ESR1: variants seen among roughly 807,000 people sequenced by gnomAD.
ESR1 encodes estrogen receptor 1.
Under a neutral mutation model 52.7 loss-of-function variants are expected in ESR1, and 12 were observed. The ratio of observed to expected loss-of-function variants is 0.23; its 90% CI spans 0.15 to 0.37. The LOEUF (loss-of-function observed/expected upper bound fraction) is 0.37. Ranked by LOEUF, ESR1 falls within the 10% of genes least tolerant of loss-of-function variation. The pLI is 1.00. For synonymous variants in ESR1, 305 were observed against 316.8 expected, an observed-to-expected ratio of 0.96 and a Z score of 0.39; for missense variants, 584 against 779.7, an observed-to-expected ratio of 0.75 and a Z score of 2.99.
chr6:151,959,220 C>T (rs2037370131), intron 4 of ESR1, among the ~76,000 whole-genome samples: 1 of 152,144 alleles, frequency 6.6e-6, no homozygotes, highest in Non-Finnish European at 1.5e-5. Flanking sequence ...CCCTTGCCTT[C>T]TCAGGTGTAG....
At chr6:151,899,847 G>C (rs1796393733) in intron 3 of ESR1, among the ~76,000 whole-genome samples, 1 of 151,942 alleles carries the variant, frequency 6.6e-6, no homozygotes, top group Admixed American at 6.5e-5. Flanking sequence ...ATGGCGGCCG[G>C]GAAGAGGCGC....
At chr6:151,841,461 C>T (rs924374291) in intron 1 of ESR1, among the ~76,000 whole-genome samples, 1 of 152,136 alleles carries the variant, frequency 6.6e-6, no homozygotes, top group Non-Finnish European at 1.5e-5. Flanking sequence ...CTTCTCTGCC[C>T]CATTTGCCAT....
At chr6:152,082,447 T>C (rs763712708) in intron 6 of ESR1, among the ~76,000 whole-genome samples, 3 of 152,212 alleles carry the variant, frequency 2.0e-5, no homozygotes, top group Non-Finnish European at 2.9e-5. Context: ...AAATTAGGTA[T>C]TGATGGAACG....
chr6:152,106,360 T>C (rs2051067235), downstream of ESR1, among the ~76,000 whole-genome samples: 1 of 152,198 alleles, frequency 6.6e-6, no homozygotes, highest in Admixed American at 6.5e-5. Flanking sequence ...TGTGCCTCAT[T>C]TCTTCCTGTG....
chr6:152,093,682 C>T (rs952656442), intron 6 of ESR1, among the ~76,000 whole-genome samples: 2 of 152,040 alleles, frequency 1.3e-5, no homozygotes, highest in South Asian at 2.1e-4. Flanking sequence ...CTTATGTGGC[C>T]GTAAAAAACA....
At chr6:151,723,085 T>C (rs1300144539) in intron 2 of ESR1, among the ~76,000 whole-genome samples, 2 of 152,188 alleles carry the variant, frequency 1.3e-5, no homozygotes, top group Admixed American at 6.5e-5. Context: ...GAATCTCCTG[T>C]TTAGACTTCT....
chr6:151,796,956 G>A (rs1776769505), intron 2 of ESR1, among the ~76,000 whole-genome samples: 1 of 152,154 alleles, frequency 6.6e-6, no homozygotes, highest in Non-Finnish European at 1.5e-5. Context: ...TATACGTTGG[G>A]GTGATCCACT....
upstream of ESR1, among the ~76,000 whole-genome samples, chr6:151,799,943 G>T (rs1468572134): frequency 6.6e-6 from 1 of 152,154 alleles, no homozygotes; most frequent in Non-Finnish European, 1.5e-5. Flanking sequence ...TGTTGGGGAG[G>T]GTGGGGACTC....
chr6:151,752,346 T>C lies in ESR1; in HGVS notation c.-71+50341T>C, dbSNP rs553686342. On this transcript the variant is annotated intron_variant, in intron 2 of 2. Transcript: ENST00000404742. ...GCACTCTGAAATGTATTCTTAATAA[T>C]GATTTAGAATATGGGGTAAATGTAG... Among the ~76,000 whole-genome samples the C allele has an allele frequency of 5.9e-5, 9 of 152,326 alleles. No individual in the cohort carries two copies. In the South Asian group the frequency reaches 1.9e-3, roughly 32 times the overall value.
At chr6:151,816,607 TC>T (rs1228603120) in intron 1 of ESR1, among the ~76,000 whole-genome samples, 1 of 152,204 alleles carries the variant, frequency 6.6e-6, no homozygotes, top group East Asian at 1.9e-4. Flanking sequence ...TATTTTGCCT[TC>T]AAGTGACTAA....
intron 1 of ESR1, among the ~76,000 whole-genome samples, chr6:151,672,617 G>A (rs931620751): frequency 1.2e-3 from 179 of 152,066 alleles, no homozygotes; most frequent in African/African-American, 4.1e-3. Flanking sequence ...GATAACAGGC[G>A]TGAGCCACTG....
intron 2 of ESR1, among the ~76,000 whole-genome samples, chr6:151,751,145 C>G (rs909544033): frequency 2.6e-5 from 4 of 152,112 alleles, no homozygotes; most frequent in Admixed American, 6.5e-5. Flanking sequence ...CCATATGATC[C>G]TAGACAAATT....
At chr6:151,687,826 T>A (rs1199526373), upstream of ESR1, among the ~76,000 whole-genome samples, 1 of 152,168 alleles carries the variant, frequency 6.6e-6, no homozygotes, top group Non-Finnish European at 1.5e-5. Context: ...TTTAAAAAAA[T>A]AAAGATGTAG....
intron 4 of ESR1, among the ~76,000 whole-genome samples, chr6:152,003,649 C>A (rs2042124303): frequency 6.6e-6 from 1 of 151,860 alleles, no homozygotes; most frequent in African/African-American, 2.4e-5. Context: ...GAGAGGAAAA[C>A]CTTTTCTTGT....
At chr6:152,070,588 C>T (rs2048280634) in intron 6 of ESR1, among the ~76,000 whole-genome samples, 1 of 138,536 alleles carries the variant, frequency 7.2e-6, no homozygotes, top group African/African-American at 3.2e-5. Context: ...ACCAAACTCA[C>T]AGCACTTAGC....
At chr6:152,002,185 AGTGTGTGTGTGTGTGT>A (rs10578838) in intron 4 of ESR1, among the ~76,000 whole-genome samples, 1 of 141,388 alleles carries the variant, frequency 7.1e-6, no homozygotes, top group African/African-American at 2.6e-5. Flanking sequence ...TTTTAAATCA[AGTGTGTGTGTGTGTGT>A]GTGTGTGTGT....
chr6:151,803,103 A>T (rs1334544394), upstream of ESR1, among the ~76,000 whole-genome samples: 1 of 152,214 alleles, frequency 6.6e-6, no homozygotes, highest in Admixed American at 6.5e-5. Context: ...TCAATAAATT[A>T]ACCAACATTT....
chr6:151,910,358 A>G (rs1798086197), intron 3 of ESR1, among the ~76,000 whole-genome samples: 2 of 152,212 alleles, frequency 1.3e-5, no homozygotes, highest in African/African-American at 4.8e-5. Flanking sequence ...TATTGGAACA[A>G]TGTAAATTAA....
intron 4 of ESR1, among the ~76,000 whole-genome samples, chr6:151,966,338 C>A (rs2038270717): frequency 6.6e-6 from 1 of 152,170 alleles, no homozygotes; most frequent in South Asian, 2.1e-4. Flanking sequence ...GATGAACCTT[C>A]TCTATCATGT....
Sources: allele counts gnomAD v4.1 joint callset (sites outside exome capture counted in the v4.1 genomes callset), GRCh38; gene constraint gnomAD v4.1.1; transcripts MANE v1.5; gene names NCBI Gene and HGNC (gene_info 2026-07-23, HGNC 2026-07-21).